MET: variants seen among roughly 807,000 people sequenced by gnomAD.
MET encodes the protein MET proto-oncogene, receptor tyrosine kinase, also known as hepatocyte growth factor receptor.
Under a neutral mutation model 133.1 loss-of-function variants are expected in MET, and 48 were observed. The observed-to-expected ratio is 0.36, with a 90% CI of 0.29 to 0.46. The LOEUF is 0.46. MET is among the 20% of genes least tolerant of loss of function. The pLI is 1.00. For synonymous variants in MET, 628 were observed against 616.5 expected, an observed-to-expected ratio of 1.02 and a Z score of -0.28; for missense variants, 1,442 against 1,695.9, an observed-to-expected ratio of 0.85 and a Z score of 2.63.
intron 19 of MET, among the ~76,000 whole-genome samples, chr7:116,786,882 T>A (rs1390976676): frequency 1.3e-5 from 2 of 152,100 alleles, no homozygotes; most frequent in Non-Finnish European, 2.9e-5. Context: ...AAGCAAGAAG[T>A]CATCTCATCC....
At chr7:116,694,471 C>A (rs1796888228) in intron 1 of MET, among the ~76,000 whole-genome samples, 2 of 152,056 alleles carry the variant, frequency 1.3e-5, no homozygotes, top group Admixed American at 1.3e-4. Context: ...CAACTGTGTT[C>A]TGTGAGGGTT....
In MET at chr7:116,731,704, C is replaced by T. The variant is rs201980687; in HGVS notation, c.1237C>T (p.Arg413Cys). ...AAATTCATCAGGCTGTGAAGCGCGC[C>T]GTGATGAATATCGAACAGAGTTTAC... The part of the protein sequence containing the change: ...LRNSSGCEAR[R>C]DEYRTEFTTA... Residue 413 changes from arginine to cysteine, a missense_variant, in exon 3 of 21, where the codon CGT becomes TGT. By Grantham distance (180) the Arg-to-Cys change is radical. Transcript: ENST00000397752. 8.7e-6 allele frequency: 14 copies of T among 1,613,944 alleles called. No individual in the cohort carries two copies. The highest frequency in any genetic ancestry group is 1.7e-5 in the Admixed American group (1 of 59,980).
chr7:116,685,968 C>T (rs1414818661), intron 1 of MET, among the ~76,000 whole-genome samples: 2 of 152,172 alleles, frequency 1.3e-5, no homozygotes, highest in Non-Finnish European at 2.9e-5. Context: ...TCCCCACTCT[C>T]CCCTTCCTTC....
chr7:116,783,447 A>G lies in MET; in HGVS notation c.3776A>G (p.Lys1259Arg), dbSNP rs1379078529. Residue 1259 changes from lysine to arginine, a missense_variant, in exon 19 of 21, where the codon AAG (lysine) becomes AGG (arginine). Physicochemically the swap from Lys to Arg is conservative, Grantham distance 26. Coordinates refer to ENST00000397752, the MANE Select transcript of MET (RefSeq NM_000245.4). ...WMALESLQTQ[K>R]FTTKSDVWSF... The stretch of plus-strand genomic sequence containing the variant: ...GCTTTGGAAAGTCTGCAAACTCAAA[A>G]GTTTACCACCAAGTCAGATGTGGTA... 3 of 1,614,116 alleles carry G rather than the reference A, an allele frequency of 1.9e-6. No homozygotes were observed. The highest frequency in any genetic ancestry group is 2.5e-6 in the Non-Finnish European group (3 of 1,180,002).
rs1796493954 is a variant in MET, at chr7:116,684,936, A to G, written c.-15+12359A>G. Reference sequence around the variant, plus strand: ...GACCAGCGAGGAAGCTGTTGTAGTAATCCAGGTATGAAGTGACACTGCCCT... The same window carrying G: ...GACCAGCGAGGAAGCTGTTGTAGTAGTCCAGGTATGAAGTGACACTGCCCT... On this transcript the variant is annotated intron_variant, in intron 1 of 20. Coordinates refer to ENST00000397752, the MANE Select transcript of MET (RefSeq NM_000245.4). 2.0e-5 allele frequency among the ~76,000 whole-genome samples: 3 copies of G among 152,174 alleles called. No homozygotes were observed. The South Asian group carries it at 6.2e-4, about 32-fold the overall frequency.
At chr7:116,746,018 T>C (rs1386591021) in intron 5 of MET, among the ~76,000 whole-genome samples, 2 of 152,150 alleles carry the variant, frequency 1.3e-5, no homozygotes, top group Non-Finnish European at 2.9e-5. Flanking sequence ...AGAAAATTTT[T>C]GCAATCTACT....
In MET at chr7:116,796,508, C is replaced by G; in HGVS notation, c.*384C>G. Reference sequence around the variant, plus strand: ...GAGATAGTAATGCTCAGGACAGGAGCGGCAGCCCCAGAACAGGCCACTCAT... The same window carrying G: ...GAGATAGTAATGCTCAGGACAGGAGGGGCAGCCCCAGAACAGGCCACTCAT... On this transcript the variant is annotated 3_prime_UTR_variant, in exon 21 of 21. Transcript: ENST00000397752. 2.6e-6 allele frequency: 1 copy of G among 383,270 alleles called. No individual in the cohort carries two copies. The highest frequency in any genetic ancestry group is 4.8e-6 in the Non-Finnish European group (1 of 207,364). The allele number at this position is 383,270 out of a possible 1,614,324, so 23.7% of individuals were successfully genotyped here. A position where few individuals can be genotyped will look rare whatever the true frequency, so the allele number is the denominator to read the frequency against.
chr7:116,781,947 A>T (rs775159771), intron 17 of MET, 41 bp from the exon 18 acceptor site: 69 of 1,186,666 alleles, frequency 5.8e-5, no homozygotes, highest in Non-Finnish European at 8.1e-5. Flanking sequence ...TTAGAACAGT[A>T]GATGCTTAGT....
At position 116,769,612 on chromosome 7, in the gene MET, G is replaced by A. The variant is rs545006646; in HGVS notation, c.2584-33G>A. 246 of 1,592,614 alleles carry A rather than the reference G, an allele frequency of 1.5e-4. No homozygotes were observed. The South Asian group carries it at 2.6e-3, about 17-fold the overall frequency. ...TAGCATTCCTGCAGAACTGTGAAGTGTTAACAACCTTTTTTTTTTTTTTTC... is the reference window on the plus strand; with the variant it reads ...TAGCATTCCTGCAGAACTGTGAAGTATTAACAACCTTTTTTTTTTTTTTTC... On this transcript the variant is annotated intron_variant, in intron 11 of 20. Transcript: ENST00000397752.
rs774433287 is a variant in MET at position 116,771,935 on chromosome 7, A to T, written c.2974A>T (p.Thr992Ser). ...TGTAAGTGCCCGAAGTGTAAGCCCA[A>T]CTACAGAAATGGTTTCAAATGAATC... ...RLVSARSVSP[T>S]TEMVSNESVD... Residue 992 changes from threonine (T) to serine (S), a missense_variant, in exon 14 of 21, where the codon ACT (threonine) becomes TCT (serine). By Grantham distance (58) the Thr-to-Ser change is moderately conservative. This residue lies in a region of MET where 514 missense variants were observed against 659.6 expected (regional missense o/e 0.78). Coordinates refer to ENST00000397752, the MANE Select transcript of MET (RefSeq NM_000245.4). 6.2e-7 allele frequency: 1 copy of T among 1,613,946 alleles called. No individual in the cohort carries two copies. The highest frequency in any genetic ancestry group is 8.5e-7 in the Non-Finnish European group (1 of 1,179,870).
intron 5 of MET, among the ~76,000 whole-genome samples, chr7:116,742,720 C>T (rs1793507238): frequency 6.6e-6 from 1 of 152,182 alleles, no homozygotes. Context: ...AATGTCCCTC[C>T]TCTCTCACCC....
intron 2 of MET, among the ~76,000 whole-genome samples, chr7:116,724,413 A>G (rs1792652755): frequency 6.6e-6 from 1 of 152,230 alleles, no homozygotes; most frequent in African/African-American, 2.4e-5. Context: ...ATGGAAATGC[A>G]GAAATCACCC....
chr7:116,720,488 G>A (rs1429686802), intron 2 of MET, among the ~76,000 whole-genome samples: 38 of 132,554 alleles, frequency 2.9e-4, no homozygotes, highest in Non-Finnish European at 5.0e-4. Context: ...TCCTTCTCCT[G>A]CCTGATTGCC....
intron 5 of MET, 144 bp downstream of exon 5, chr7:116,741,169 T>G (rs916184599): frequency 4.3e-6 from 4 of 935,106 alleles, no homozygotes; most frequent in African/African-American, 1.7e-5. Flanking sequence ...CATTTAGCTG[T>G]GAGTCATCAG....
chr7:116,773,554 AG>A (rs1277599833), intron 14 of MET, among the ~76,000 whole-genome samples: 1 of 152,164 alleles, frequency 6.6e-6, no homozygotes, highest in African/African-American at 2.4e-5. Context: ...GAGTTTAGAG[AG>A]GCTGATTGGC....
rs564359745 is a variant in MET at position 116,783,171 on chromosome 7, G to A, written c.3633-133G>A. 2.1e-5 allele frequency: 21 copies of A among 1,000,106 alleles called. No homozygotes were observed. The African/African-American group carries it at 2.9e-4, about 14-fold the overall frequency. The allele number at this position is 1,000,106 out of a possible 1,614,324, so 62.0% of individuals were successfully genotyped here. ...TTGTAATTTAGTGTTAGTCAATAGA[G>A]GCCAGATGAAATACTTCCTTCAGAA... is the stretch of plus-strand genomic sequence containing the variant. On this transcript the variant is annotated intron_variant, in intron 18 of 20. Coordinates refer to ENST00000397752, the MANE Select transcript of MET (RefSeq NM_000245.4).
chr7:116,702,427 G>A (rs1203175913), intron 2 of MET, among the ~76,000 whole-genome samples: 4 of 152,010 alleles, frequency 2.6e-5, no homozygotes, highest in Non-Finnish European at 5.9e-5. Context: ...ACCTCAGATT[G>A]TTCCAATAAT....
intron 2 of MET, among the ~76,000 whole-genome samples, chr7:116,716,513 G>GAA (rs1792238870): frequency 6.7e-6 from 1 of 150,340 alleles, no homozygotes; most frequent in Non-Finnish European, 1.5e-5. Flanking sequence ...AAGAAAGAAA[G>GAA]AAAGAAAGAA....
chr7:116,725,651 A>G (rs989806139), intron 2 of MET, among the ~76,000 whole-genome samples: 3 of 151,526 alleles, frequency 2.0e-5, no homozygotes, highest in Non-Finnish European at 2.9e-5. Flanking sequence ...TTTTGCTCCT[A>G]GGCAACAAAC....
Sources: allele counts gnomAD v4.1 joint callset (sites outside exome capture counted in the v4.1 genomes callset), GRCh38; gene constraint gnomAD v4.1.1; regional missense constraint gnomAD v4.1.1; transcripts MANE v1.5; gene names NCBI Gene and HGNC (gene_info 2026-07-23, HGNC 2026-07-21).